SIMC1: variants seen among roughly 807,000 people sequenced by gnomAD.
The protein encoded by SIMC1 is SUMO-interacting motif-containing protein 1.
In SIMC1, 55 loss-of-function variants were observed where a neutral mutation model predicts 82.3. The ratio of observed to expected loss-of-function variants is 0.67; its 90% CI spans 0.54 to 0.84. SIMC1 has a LOEUF of 0.84. Among genes scored for constraint, SIMC1 ranks in the 40% least tolerant of loss-of-function variants. The pLI is 0.00. For missense variants in SIMC1, 915 were observed against 1,107.2 expected (o/e 0.83, Z 2.46); for synonymous variants, 353 against 426.3 (o/e 0.83, Z 2.12).
intron 1 of SIMC1, among the ~76,000 whole-genome samples, chr5:176,272,355 T>C (rs1762480957): frequency 6.7e-6 from 1 of 148,202 alleles, no homozygotes; most frequent in Admixed American, 6.9e-5. Flanking sequence ...TTCAGAATTA[T>C]ACTGAATGCC....
intron 1 of SIMC1, among the ~76,000 whole-genome samples, chr5:176,272,543 T>G (rs1439024782): frequency 2.0e-5 from 3 of 152,172 alleles, no homozygotes; most frequent in Admixed American, 6.5e-5. Flanking sequence ...GGGTGATGTC[T>G]GCATTTCCAA....
chr5:176,299,150 T>G (rs1223308935), intron 4 of SIMC1, among the ~76,000 whole-genome samples: 1 of 152,230 alleles, frequency 6.6e-6, no homozygotes, highest in African/African-American at 2.4e-5. Flanking sequence ...TTCCAGCACT[T>G]TGGGAGACCA....
At chr5:176,332,698 T>G (rs1765717475) in intron 7 of SIMC1, among the ~76,000 whole-genome samples, 1 of 152,178 alleles carries the variant, frequency 6.6e-6, no homozygotes, top group African/African-American at 2.4e-5. Flanking sequence ...GTATTCAATA[T>G]TACATATTAT....
intron 1 of SIMC1, among the ~76,000 whole-genome samples, chr5:176,281,658 C>T (rs1299917399): frequency 6.6e-6 from 1 of 152,198 alleles, no homozygotes; most frequent in Non-Finnish European, 1.5e-5. Flanking sequence ...ACAGGACCCT[C>T]AGCTGCAGGT....
intron 7 of SIMC1, among the ~76,000 whole-genome samples, chr5:176,332,320 T>G (rs1043004429): frequency 6.6e-6 from 1 of 152,244 alleles, no homozygotes; most frequent in Non-Finnish European, 1.5e-5. Context: ...GACAGAGTTT[T>G]GCTTTTGTTG....
rs1223178948 is a variant in SIMC1 at position 176,305,853 on chromosome 5, TG to T, written c.1735-7830del. Among the ~76,000 whole-genome samples, 32 of 27,616 alleles carry T rather than the reference TG, an allele frequency of 1.2e-3. 2 individuals carry two copies. The East Asian group carries it at 0.031, about 27-fold the overall frequency. The allele number at this position is 27,616 out of a possible 152,430, so 18.1% of individuals were successfully genotyped here. A position where few individuals can be genotyped will look rare whatever the true frequency, so the allele number is the denominator to read the frequency against. On this transcript the variant is annotated intron_variant, in intron 4 of 9. Transcript: ENST00000429602. ...CCAGCCGCCCCGTCCGGGAGGGAGG[TG>T]GGGGGGGTCAGCCCCCCTGCCCGGC...
Position 176,345,489 on chromosome 5 carries a change from C to T in SIMC1, c.*44C>T, listed in dbSNP as rs370917750. The T allele has an allele frequency of 4.3e-5, 67 of 1,565,358 alleles. No homozygotes were observed. The African/African-American group carries it at 8.9e-4, about 21-fold the overall frequency. On this transcript the variant is annotated 3_prime_UTR_variant, in exon 10 of 10. Transcript: ENST00000429602. ...ATGCCAAGAATACCTCCTGAACTCT[C>T]TCTCCAACTGCTCAGAAGCTCTAAA...
At chr5:176,243,579 T>TGAGCCCA (rs1761339179) in intron 1 of SIMC1, among the ~76,000 whole-genome samples, 2 of 151,954 alleles carry the variant, frequency 1.3e-5, no homozygotes, top group Admixed American at 6.6e-5. Flanking sequence ...TGTAGTGCAG[T>TGAGCCCA]GGTGCGATCT....
chr5:176,243,702 G>A (rs1387590667), intron 1 of SIMC1, among the ~76,000 whole-genome samples: 3 of 151,930 alleles, frequency 2.0e-5, no homozygotes, highest in Non-Finnish European at 4.4e-5. Flanking sequence ...TTGTATTTTA[G>A]TAGAGACGGG....
intron 5 of SIMC1, among the ~76,000 whole-genome samples, chr5:176,321,953 T>C (rs1299286728): frequency 7.8e-6 from 1 of 128,108 alleles, no homozygotes; most frequent in Non-Finnish European, 1.6e-5. Flanking sequence ...CTCAAACTCC[T>C]GGTCTCAAAA....
At chr5:176,271,979 A>G (rs1323039495) in intron 1 of SIMC1, among the ~76,000 whole-genome samples, 3 of 144,962 alleles carry the variant, frequency 2.1e-5, no homozygotes, top group African/African-American at 5.0e-5. Flanking sequence ...TATATATTAT[A>G]TATAACATAA....
chr5:176,322,468 A>C (rs758503211), intron 6 of SIMC1, 43 bp downstream of exon 6: 1 of 1,568,764 alleles, frequency 6.4e-7, no homozygotes, highest in East Asian at 2.3e-5. Flanking sequence ...CTTGGGGTTT[A>C]GTGTTTTAGA....
chr5:176,296,020 T>G (rs1452053567), intron 3 of SIMC1: 2 of 720,346 alleles, frequency 2.8e-6, no homozygotes, highest in Non-Finnish European at 4.5e-6. Context: ...GTTGGTTTCT[T>G]AAGACAAAAT....
chr5:176,326,253 T>TA (rs1765388025), intron 7 of SIMC1, among the ~76,000 whole-genome samples: 2 of 152,150 alleles, frequency 1.3e-5, no homozygotes, highest in South Asian at 4.1e-4. Flanking sequence ...TTTCTTCTAT[T>TA]ACAAGAAAAT....
chr5:176,308,109 C>A, intron 4 of SIMC1: 2 of 842,022 alleles, frequency 2.4e-6, no homozygotes, highest in Admixed American at 1.9e-5. Context: ...CATCTAGAGT[C>A]TGACACTTTC....
chr5:176,317,291 T>C (rs1200861979), intron 5 of SIMC1, among the ~76,000 whole-genome samples: 2 of 152,184 alleles, frequency 1.3e-5, no homozygotes, highest in Non-Finnish European at 2.9e-5. Flanking sequence ...GAACCCTTCT[T>C]AAGGGATTTT....
chr5:176,307,624 TCTC>T (rs1451214081), intron 4 of SIMC1, among the ~76,000 whole-genome samples: 1 of 152,114 alleles, frequency 6.6e-6, no homozygotes, highest in Non-Finnish European at 1.5e-5. Context: ...ATGGTCGTGA[TCTC>T]CTGACCTCAT....
At chr5:176,294,933 C>G in intron 2 of SIMC1, 97 bp from the exon 3 acceptor site, 1 of 1,433,870 alleles carries the variant, frequency 7.0e-7, no homozygotes, top group Non-Finnish European at 9.2e-7. Flanking sequence ...CCACTGCACT[C>G]CAGCCTGGGG....
chr5:176,323,725 G>A (rs1765256207), intron 6 of SIMC1, among the ~76,000 whole-genome samples: 2 of 152,098 alleles, frequency 1.3e-5, no homozygotes, highest in South Asian at 2.1e-4. Context: ...GGTGGCTCAC[G>A]CCTGTAATCC....
Sources: gnomAD v4.1 joint callset for allele counts (sites outside exome capture counted in the v4.1 genomes callset) on GRCh38, gnomAD v4.1.1 for gene constraint, MANE v1.5 for transcripts, NCBI Gene and HGNC (gene_info 2026-07-23, HGNC 2026-07-21) for gene names.